Variants in SCUBE2 observed in about 807,000 individuals in gnomAD.
SCUBE2 encodes the protein signal peptide, CUB domain and EGF like domain containing 2.
In SCUBE2, 114 loss-of-function variants were observed where a neutral mutation model predicts 125.9. The ratio of observed to expected loss-of-function variants is 0.91; its 90% CI spans 0.78 to 1.06. The LOEUF is 1.06. Ranked by LOEUF, SCUBE2 falls within the 50% of genes least tolerant of loss-of-function variation. SCUBE2 has a pLI of 0.00. For synonymous variants in SCUBE2, 459 were observed against 492.9 expected (o/e 0.93, Z 0.91); for missense variants, 1,255 against 1,301.8 (o/e 0.96, Z 0.55).
chr11:9,061,933 C>A (rs978364116), intron 7 of SCUBE2, among the ~76,000 whole-genome samples: 1 of 152,106 alleles, frequency 6.6e-6, no homozygotes, highest in Non-Finnish European at 1.5e-5. Context: ...GAAATGAGGA[C>A]GGAGTTAAGA....
At chr11:9,064,357 T>C (rs1392010380) in intron 7 of SCUBE2, among the ~76,000 whole-genome samples, 1 of 151,310 alleles carries the variant, frequency 6.6e-6, no homozygotes, top group Non-Finnish European at 1.5e-5. Context: ...GTCCAGCTAC[T>C]CAGGAAGCTG....
At chr11:9,075,249 C>G (rs578078578) in intron 3 of SCUBE2, among the ~76,000 whole-genome samples, 61 of 150,826 alleles carry the variant, frequency 4.0e-4, no homozygotes, top group African/African-American at 1.5e-3. Flanking sequence ...AGGAGCATGC[C>G]CTTCAGCAAG....
intron 10 of SCUBE2, 139 bp downstream of exon 10, chr11:9,055,654 T>G (rs2135515159): frequency 1.5e-6 from 1 of 689,610 alleles, no homozygotes; most frequent in Admixed American, 2.1e-5. Context: ...CTCAAGTTGA[T>G]GGACTCACCG....
chr11:9,035,435 G>A (rs1020946782), intron 16 of SCUBE2, among the ~76,000 whole-genome samples: 5 of 152,296 alleles, frequency 3.3e-5, no homozygotes, highest in Admixed American at 3.3e-4. Context: ...TAACAAACGG[G>A]CAGATTTAAG....
At position 9,069,083 on chromosome 11, in the gene SCUBE2, G is replaced by A. The variant is rs118036175; in HGVS notation, c.643+287C>T. ...CTGTGATTGCCAGATGAGGACATTT[G>A]GTTTTATTCTGTGGGAACAGGGAGA... On this transcript the variant is annotated intron_variant, in intron 5 of 22. Coordinates refer to ENST00000649792, the MANE Select transcript of SCUBE2 (RefSeq NM_001367977.2). 7.5e-4 allele frequency among the ~76,000 whole-genome samples: 114 copies of A among 152,244 alleles called. No homozygotes were observed. In the East Asian group the frequency reaches 0.02, roughly 26 times the overall value.
intron 4 of SCUBE2, among the ~76,000 whole-genome samples, chr11:9,072,904 C>G (rs1337921174): frequency 6.6e-6 from 1 of 152,136 alleles, no homozygotes; most frequent in Non-Finnish European, 1.5e-5. Flanking sequence ...TGTCTCTAAT[C>G]AGTCCGGGGG....
In SCUBE2 at chr11:9,079,461, C is replaced by G. The variant is rs1861460721; in HGVS notation, c.305G>C (p.Cys102Ser). 3 of 1,614,120 alleles carry G rather than the reference C, an allele frequency of 1.9e-6. No individual in the cohort carries two copies. The African/African-American group carries it at 4.0e-5, about 22-fold the overall frequency. Residue 102 changes from cysteine (C) to serine (S), a missense_variant, in exon 3 of 23, where the codon TGT becomes TCT. Physicochemically the swap from Cys to Ser is moderately radical, Grantham distance 112 (BLOSUM62 -1). Transcript: ENST00000649792. Reference sequence around the variant, plus strand: ...ACGATAATTGCCTGGAATATTCAAACAGTCATGGACACAGCCTCCATTGAG... The same window carrying G: ...ACGATAATTGCCTGGAATATTCAAAGAGTCATGGACACAGCCTCCATTGAG... ...NELNGGCVHD[C>S]LNIPGNYRCT...
At chr11:9,036,688 A>T (rs1856780523) in intron 16 of SCUBE2, among the ~76,000 whole-genome samples, 2 of 152,190 alleles carry the variant, frequency 1.3e-5, no homozygotes. Flanking sequence ...CAGAAAACAG[A>T]TGTCCTCAGC....
At chr11:9,086,647 G>A (rs1590167909) in intron 2 of SCUBE2, among the ~76,000 whole-genome samples, 2 of 152,254 alleles carry the variant, frequency 1.3e-5, no homozygotes, top group African/African-American at 4.8e-5. Flanking sequence ...GAGGTCAGGA[G>A]TTCGAGACCA....
At position 9,079,484 on chromosome 11, in the gene SCUBE2, G is replaced by A. The variant is rs771508226; in HGVS notation, c.282C>T (p.Leu94=). The change falls in exon 3 of 23, where the codon CTC becomes CTT. Residue 94 remains leucine (L), a synonymous_variant. Coordinates refer to ENST00000649792, the MANE Select transcript of SCUBE2 (RefSeq NM_001367977.2). Reference sequence around the variant, plus strand: ...AACAGTCATGGACACAGCCTCCATTGAGCTCATTTCCACATTCATCGATGT... The same window carrying A: ...AACAGTCATGGACACAGCCTCCATTAAGCTCATTTCCACATTCATCGATGT... ...CEDIDECGNE[L]NGGCVHDCLN... is the part of the protein sequence containing the mutation. The A allele has an allele frequency of 1.2e-6, 2 of 1,613,910 alleles. No homozygotes were observed. Among genetic ancestry groups the A allele is most frequent in the Non-Finnish European group, 1.7e-6 (2 of 1,179,930 alleles).
chr11:9,062,878 A>G (rs1859820951), intron 7 of SCUBE2, among the ~76,000 whole-genome samples: 1 of 152,050 alleles, frequency 6.6e-6, no homozygotes, highest in Admixed American at 6.5e-5. Context: ...TAGGGGGTCA[A>G]TCCAGGAGTT....
At chr11:9,033,459 G>A (rs534428200) in intron 17 of SCUBE2, among the ~76,000 whole-genome samples, 167 bp downstream of exon 17, 54 of 152,166 alleles carry the variant, frequency 3.5e-4, no homozygotes, top group Non-Finnish European at 3.4e-4. Context: ...GCATGTGTCA[G>A]GCACTGACCT....
At chr11:9,089,917 C>T (rs1862490838) in intron 1 of SCUBE2, 88 bp from the exon 2 acceptor site, 1 of 1,501,012 alleles carries the variant, frequency 6.7e-7, no homozygotes, top group Admixed American at 1.9e-5. Flanking sequence ...TCCTCACCAG[C>T]CCACCCCGCT....
intron 3 of SCUBE2, among the ~76,000 whole-genome samples, chr11:9,078,840 G>A (rs558086847): frequency 6.6e-6 from 1 of 152,228 alleles, no homozygotes; most frequent in Non-Finnish European, 1.5e-5. Context: ...CATAAGGAAT[G>A]AATGTAAACA....
chr11:9,090,816 G>C (rs974095622), intron 1 of SCUBE2, among the ~76,000 whole-genome samples: 3 of 152,138 alleles, frequency 2.0e-5, no homozygotes, highest in Admixed American at 6.5e-5. Flanking sequence ...TGAAAGTATT[G>C]CAAGTCCAGT....
intron 2 of SCUBE2, among the ~76,000 whole-genome samples, chr11:9,088,707 C>T (rs1862335613): frequency 6.6e-6 from 1 of 152,154 alleles, no homozygotes; most frequent in Non-Finnish European, 1.5e-5. Context: ...AGGTTGGGTC[C>T]AGGAGCAAGG....
At chr11:9,070,019 G>A (rs772530644) in intron 4 of SCUBE2, among the ~76,000 whole-genome samples, 3 of 152,100 alleles carry the variant, frequency 2.0e-5, no homozygotes, top group Non-Finnish European at 2.9e-5. Flanking sequence ...ATCCTCGTAC[G>A]GGCCACATGC....
intron 19 of SCUBE2, 53 bp from the exon 20 acceptor site, chr11:9,027,614 A>C (rs1589995629): frequency 6.6e-7 from 1 of 1,520,710 alleles, no homozygotes; most frequent in Non-Finnish European, 9.0e-7. Flanking sequence ...CTCTGTCCTG[A>C]CCACCGCTAG....
At chr11:9,072,189 T>C (rs985555287) in intron 4 of SCUBE2, among the ~76,000 whole-genome samples, 1 of 151,774 alleles carries the variant, frequency 6.6e-6, no homozygotes, top group East Asian at 1.9e-4. Flanking sequence ...CTGTGGGTTT[T>C]GTTTTGTTTT....
Sources: gnomAD v4.1 joint callset for allele counts (sites outside exome capture counted in the v4.1 genomes callset) on GRCh38, gnomAD v4.1.1 for gene constraint, MANE v1.5 for transcripts, NCBI Gene and HGNC (gene_info 2026-07-23, HGNC 2026-07-21) for gene names.